ARMC2: variants seen among roughly 807,000 people sequenced by gnomAD.
ARMC2 encodes armadillo repeat-containing protein 2.
A neutral mutation model predicts 90.3 loss-of-function variants in ARMC2; 67 were observed. The ratio of observed to expected loss-of-function variants is 0.74; its 90% CI spans 0.61 to 0.91. ARMC2 has a LOEUF of 0.91. Ranked by LOEUF, ARMC2 falls within the 40% of genes least tolerant of loss-of-function variation. ARMC2 has a pLI of 0.00. For missense variants in ARMC2, 920 were observed against 1,030.9 expected (o/e 0.89, Z 1.47); for synonymous variants, 393 against 393.0 (o/e 1.00, Z 0.00).
At position 108,937,000 on chromosome 6, in the gene ARMC2, G is replaced by A; in HGVS notation, c.1596+1G>A. 1 of 1,579,798 alleles carries A rather than the reference G, an allele frequency of 6.3e-7. No homozygotes were observed. The highest frequency in any genetic ancestry group is 8.6e-7 in the Non-Finnish European group (1 of 1,160,130). On this transcript the variant is annotated splice_donor_variant, in intron 12 of 17. Transcript: ENST00000392644. LOFTEE classifies it high-confidence loss of function. ...AATTAACAAATACCAGAAGAAGCAG[G>A]TCAGTTCTTCATTCATTTAATTCTT...
At chr6:108,885,821 T>G (rs556719176) in intron 5 of ARMC2, among the ~76,000 whole-genome samples, 7 of 152,332 alleles carry the variant, frequency 4.6e-5, no homozygotes, top group Admixed American at 2.0e-4. Context: ...AGTCGAAGTA[T>G]GGAAGAGACT....
chr6:108,857,701 G>A (rs1205117527), intron 2 of ARMC2, among the ~76,000 whole-genome samples: 1 of 152,292 alleles, frequency 6.6e-6, no homozygotes, highest in Non-Finnish European at 1.5e-5. Context: ...TTATGAATGA[G>A]TGTTGGATTT....
intron 6 of ARMC2, among the ~76,000 whole-genome samples, chr6:108,899,109 G>A (rs1480095411): frequency 1.3e-5 from 2 of 152,180 alleles, no homozygotes; most frequent in Admixed American, 6.5e-5. Context: ...ACTCAGGAAG[G>A]ATAAGAAACT....
At chr6:109,014,862 G>A in the ARMC2 span, among the ~76,000 whole-genome samples, 3 of 152,146 alleles carry the variant, frequency 2.0e-5, no homozygotes, top group Non-Finnish European at 4.4e-5. Flanking sequence ...TAGGAAGAAA[G>A]CTGGCTTCTC....
intron 10 of ARMC2, among the ~76,000 whole-genome samples, chr6:108,913,485 C>T (rs1370272146): frequency 6.6e-6 from 1 of 152,178 alleles, no homozygotes; most frequent in East Asian, 1.9e-4. Flanking sequence ...CCTGTTTTGG[C>T]TAGGAAGACT....
intron 12 of ARMC2, among the ~76,000 whole-genome samples, chr6:108,948,292 C>T (rs778323054): frequency 7.2e-5 from 11 of 152,024 alleles, no homozygotes; most frequent in Non-Finnish European, 1.6e-4. Flanking sequence ...GCTCAGCCTT[C>T]TTCAGGATTC....
the ARMC2 span, among the ~76,000 whole-genome samples, chr6:109,024,870 C>T: frequency 1.3e-5 from 2 of 152,192 alleles, no homozygotes; most frequent in Admixed American, 1.3e-4. Flanking sequence ...TAAAGTCAAA[C>T]AATTGTTAAG....
At chr6:109,034,932 T>G in the ARMC2 span, among the ~76,000 whole-genome samples, 2 of 152,206 alleles carry the variant, frequency 1.3e-5, no homozygotes, top group Non-Finnish European at 2.9e-5. Flanking sequence ...TTAAGAACTT[T>G]TATATCAGGG....
At chr6:108,857,501 T>C (rs988929435) in intron 2 of ARMC2, among the ~76,000 whole-genome samples, 7 of 152,190 alleles carry the variant, frequency 4.6e-5, no homozygotes, top group Non-Finnish European at 7.4e-5. Flanking sequence ...TTTTAATTTC[T>C]TTTTCTTGTC....
At chr6:109,032,630 G>T in the ARMC2 span, among the ~76,000 whole-genome samples, 2 of 151,714 alleles carry the variant, frequency 1.3e-5, no homozygotes, top group Admixed American at 1.3e-4. Flanking sequence ...GGGGGGAGTG[G>T]GGGGGAAGAG....
chr6:108,912,235 T>C (rs1331505164), intron 9 of ARMC2, 100 bp from the exon 10 acceptor site: 4 of 831,086 alleles, frequency 4.8e-6, no homozygotes, highest in Non-Finnish European at 7.3e-6. Flanking sequence ...TTGATAAATA[T>C]ATTTTACGAA....
At chr6:109,031,494 C>A in the ARMC2 span, among the ~76,000 whole-genome samples, 2 of 152,174 alleles carry the variant, frequency 1.3e-5, no homozygotes, top group African/African-American at 4.8e-5. Context: ...GAGTTCAAGT[C>A]TTTCCCCTCT....
At chr6:108,893,119 TG>T (rs1771256498) in intron 5 of ARMC2, among the ~76,000 whole-genome samples, 1 of 152,246 alleles carries the variant, frequency 6.6e-6, no homozygotes, top group Non-Finnish European at 1.5e-5. Context: ...AAAGAGAAGC[TG>T]TATCCTTCAG....
At chr6:108,988,700 A>G in the ARMC2 span, 1 of 1,583,782 alleles carries the variant, frequency 6.3e-7, no homozygotes, top group South Asian at 1.2e-5. Flanking sequence ...GTTGAAAGAC[A>G]TAATGAGAAT....
the ARMC2 span, among the ~76,000 whole-genome samples, chr6:109,044,914 T>G: frequency 6.6e-6 from 1 of 152,016 alleles, no homozygotes; most frequent in South Asian, 2.1e-4. Flanking sequence ...TCTCAGCTAC[T>G]TGGGCAGCTG....
At chr6:109,012,024 G>A in the ARMC2 span, among the ~76,000 whole-genome samples, 1 of 152,124 alleles carries the variant, frequency 6.6e-6, no homozygotes, top group African/African-American at 2.4e-5. Context: ...ATTTTCCAAG[G>A]ATTTCGAAGG....
At chr6:108,964,337 G>T in intron 16 of ARMC2, 25 bp downstream of exon 16, 2 of 1,607,134 alleles carry the variant, frequency 1.2e-6, no homozygotes, top group South Asian at 2.2e-5. Flanking sequence ...GTAGAGTACT[G>T]ACTCTCTCAG....
intron 4 of ARMC2, among the ~76,000 whole-genome samples, chr6:108,871,098 G>A (rs1255214880): frequency 6.6e-6 from 1 of 152,172 alleles, no homozygotes; most frequent in African/African-American, 2.4e-5. Flanking sequence ...TGTCCACATG[G>A]AAGGAAAAGC....
At chr6:109,022,254 A>T in the ARMC2 span, among the ~76,000 whole-genome samples, 1 of 152,150 alleles carries the variant, frequency 6.6e-6, no homozygotes, top group Non-Finnish European at 1.5e-5. Flanking sequence ...TGTAGCAGTT[A>T]GGTAAATGAA....
Sources: gnomAD v4.1 joint callset for allele counts (sites outside exome capture counted in the v4.1 genomes callset) on GRCh38, gnomAD v4.1.1 for gene constraint, MANE v1.5 for transcripts, NCBI Gene and HGNC (gene_info 2026-07-23, HGNC 2026-07-21) for gene names.